The following SLC34A2 variants were observed in gnomAD, a reference collection of about 807,000 sequenced individuals.
The protein encoded by SLC34A2 is solute carrier family 34 member 2, also known as sodium-dependent phosphate transport protein 2B.
Under a neutral mutation model 50.8 loss-of-function variants are expected in SLC34A2, and 41 were observed. That is an observed-to-expected ratio of 0.81 (90% CI 0.63 to 1.05). SLC34A2 has a LOEUF of 1.05. Among genes scored for constraint, SLC34A2 ranks in the 50% least tolerant of loss-of-function variants. The pLI is 0.00. For missense variants in SLC34A2, 879 were observed against 876.7 expected, an observed-to-expected ratio of 1.00 and a Z score of -0.03; for synonymous variants, 401 against 364.2, an observed-to-expected ratio of 1.10 and a Z score of -1.15.
rs989317980 is a variant in SLC34A2 at position 25,676,845 on chromosome 4, A to G, written c.*96A>G. On this transcript the variant is annotated 3_prime_UTR_variant, in exon 13 of 13. Coordinates refer to ENST00000382051, the MANE Select transcript of SLC34A2 (RefSeq NM_006424.3). ...TGCACCCTTTCACCACCTCGAGGAG[A>G]TTTGCTCCCCATTAGCGAATGAAAT... 6.4e-7 allele frequency: 1 copy of G among 1,551,126 alleles called. No homozygotes were observed. The highest frequency in any genetic ancestry group is 1.1e-5 in the South Asian group (1 of 87,572).
chr4:25,673,670 T>C (rs999153737), intron 10 of SLC34A2, among the ~76,000 whole-genome samples: 4 of 152,148 alleles, frequency 2.6e-5, no homozygotes, highest in Admixed American at 6.5e-5. Context: ...AGGTGGCCAA[T>C]GAGACTGCTG....
At chr4:25,669,157 TACACCTTTCTGGGAA>T (rs981381094) in intron 6 of SLC34A2, among the ~76,000 whole-genome samples, 1 of 152,182 alleles carries the variant, frequency 6.6e-6, no homozygotes, top group Non-Finnish European at 1.5e-5. Context: ...AAAATATTTT[TACACCTTTCTGGGAA>T]ACATGTGATA....
rs116599217 is a variant in SLC34A2, at chr4:25,669,704, C to T, written c.693C>T (p.Leu231=). 14 of 1,614,174 alleles carry T rather than the reference C, an allele frequency of 8.7e-6. No individual in the cohort carries two copies. In the East Asian group the frequency reaches 3.1e-4, roughly 36 times the overall value. ...TCAACTGGCTGTCCGTGTTGGTGCT[C>T]TTGCCCGTGGAGGTGGCCACCCATT... ...DFFNWLSVLV[L]LPVEVATHYL... is the part of the protein sequence containing the mutation. The change falls in exon 7 of 13, where the codon CTC becomes CTT. Residue 231 remains leucine (L), a synonymous_variant. Coordinates refer to ENST00000382051, the MANE Select transcript of SLC34A2 (RefSeq NM_006424.3).
intron 6 of SLC34A2, among the ~76,000 whole-genome samples, chr4:25,668,557 G>C (rs10939078): frequency 6.6e-6 from 1 of 151,586 alleles, no homozygotes; most frequent in Non-Finnish European, 1.5e-5. Flanking sequence ...CAGGAGAATC[G>C]CTTGAACCCG....
Position 25,678,607 on chromosome 4 carries a change from C to A in SLC34A2, c.*1858C>A. The A allele has an allele frequency of 3.3e-6, 1 of 298,582 alleles. No homozygotes were observed. Among genetic ancestry groups the A allele is most frequent in the Non-Finnish European group, 6.3e-6 (1 of 157,818 alleles). 18.5% of individuals were successfully genotyped at this position (298,582 alleles called of 1,614,324 possible). The stretch of plus-strand genomic sequence containing the variant: ...TGTTGCTCAGGCTGGTCTCAAACTC[C>A]TGAGATCAAGCAATCCGCCCACCTC... On this transcript the variant is annotated 3_prime_UTR_variant, in exon 13 of 13. Coordinates refer to ENST00000382051, the MANE Select transcript of SLC34A2 (RefSeq NM_006424.3).
At chr4:25,668,925 A>G (rs1244675926) in intron 6 of SLC34A2, among the ~76,000 whole-genome samples, 1 of 150,276 alleles carries the variant, frequency 6.7e-6, no homozygotes, top group Non-Finnish European at 1.5e-5. Flanking sequence ...TTAAAAGGTA[A>G]GCTGTTTCAT....
intron 1 of SLC34A2, among the ~76,000 whole-genome samples, 160 bp downstream of exon 1, chr4:25,656,050 TTTC>T (rs1436821025): frequency 2.0e-5 from 3 of 152,212 alleles, no homozygotes; most frequent in African/African-American, 7.2e-5. Flanking sequence ...TTCAAGTTGT[TTTC>T]TTCTTAATGT....
At chr4:25,661,332 T>A (rs1714171241) in intron 1 of SLC34A2, among the ~76,000 whole-genome samples, 1 of 152,208 alleles carries the variant, frequency 6.6e-6, no homozygotes, top group South Asian at 2.1e-4. Flanking sequence ...CATCACTCTT[T>A]TCACAGAAGG....
chr4:25,674,343 G>A lies in SLC34A2; in HGVS notation c.1264G>A (p.Val422Ile), dbSNP rs116219115. ...AWLTGYLAIL[V>I]GAGMTFIVQS... Reference sequence around the variant, plus strand: ...GTTGACTGGCTACCTGGCCATCCTCGTCGGGGCAGGCATGACCTTCATCGT... The same window carrying A: ...GTTGACTGGCTACCTGGCCATCCTCATCGGGGCAGGCATGACCTTCATCGT... The change falls in exon 11 of 13, where the codon GTC becomes ATC. Residue 422 changes from valine to isoleucine, a missense_variant. By Grantham distance (29) the Val-to-Ile change is conservative. Coordinates refer to ENST00000382051, the MANE Select transcript of SLC34A2 (RefSeq NM_006424.3). The A allele has an allele frequency of 5.8e-5, 93 of 1,614,030 alleles. 1 individual carries two copies. In the Middle Eastern group the frequency reaches 4.5e-3, roughly 77 times the overall value.
At position 25,676,482 on chromosome 4, in the gene SLC34A2, C is replaced by T. The variant is rs1334416576; in HGVS notation, c.1806C>T (p.Pro602=). Residue 602 remains proline, a synonymous_variant, in exon 13 of 13, where the codon CCC becomes CCT. Coordinates refer to ENST00000382051, the MANE Select transcript of SLC34A2 (RefSeq NM_006424.3). ...CGCTGTGGATGCGCTCGCTGAAGCCCTGGGATGCCGTCGTCTCCAAGTTCA... is the reference window on the plus strand; with the variant it reads ...CGCTGTGGATGCGCTCGCTGAAGCCTTGGGATGCCGTCGTCTCCAAGTTCA... ...FLPLWMRSLK[P]WDAVVSKFTG... is the part of the protein sequence containing the mutation. The T allele has an allele frequency of 1.2e-5, 20 of 1,614,052 alleles. No homozygotes were observed. Among genetic ancestry groups the T allele is most frequent in the Non-Finnish European group, 1.7e-5 (20 of 1,180,046 alleles).
At position 25,664,204 on chromosome 4, in the gene SLC34A2, A is replaced by T; in HGVS notation, c.253A>T (p.Arg85Ter). Reference sequence around the variant, plus strand: ...CCCCCCATCCCACCCCCCTGCAGAGAGAGACACCAAAGGGAAGATTCTCTG... The same window carrying T: ...CCCCCCATCCCACCCCCCTGCAGAGTGAGACACCAAAGGGAAGATTCTCTG... The part of the protein sequence containing the change: ...LQDSGIKWSE[R>*]DTKGKILCFF... Residue 85 changes from arginine to a stop codon, truncating the protein, a stop_gained and splice_region_variant, in exon 4 of 13, where the codon AGA becomes TGA. Coordinates refer to ENST00000382051, the MANE Select transcript of SLC34A2 (RefSeq NM_006424.3). LOFTEE classifies it high-confidence loss of function. 1 of 1,476,194 alleles carries T rather than the reference A, an allele frequency of 6.8e-7. No individual in the cohort carries two copies. Among genetic ancestry groups the T allele is most frequent in the Non-Finnish European group, 9.3e-7 (1 of 1,072,628 alleles). 91.4% of individuals were successfully genotyped at this position (1,476,194 alleles called of 1,614,324 possible).
Position 25,666,281 on chromosome 4 carries a change from G to T in SLC34A2, c.523+10G>T, listed in dbSNP as rs755302044. On this transcript the variant is annotated intron_variant, in intron 5 of 12. Coordinates refer to ENST00000382051, the MANE Select transcript of SLC34A2 (RefSeq NM_006424.3). ...ATGGTGTCCTCTTCATGTGAGTCGG[G>T]GCACCCATGAGCCCACCTGCATTCC... 14 of 1,613,330 alleles carry T rather than the reference G, an allele frequency of 8.7e-6. No homozygotes were observed. Among genetic ancestry groups the T allele is most frequent in the Non-Finnish European group, 1.0e-5 (12 of 1,179,928 alleles).
chr4:25,678,390 A>C lies in SLC34A2; in HGVS notation c.*1641A>C, dbSNP rs1449832353. ...AAATGAGGCAGGCTTCTTCTATGAA[A>C]TGTAAAGAAAGAAACCACTTTGTAT... On this transcript the variant is annotated 3_prime_UTR_variant, in exon 13 of 13. Transcript: ENST00000382051. 1 of 155,504 alleles carries C rather than the reference A, an allele frequency of 6.4e-6. No homozygotes were observed. The highest frequency in any genetic ancestry group is 2.4e-5 in the African/African-American group (1 of 41,578). The allele number at this position is 155,504 out of a possible 1,614,324, so 9.6% of individuals were successfully genotyped here.
At chr4:25,662,187 T>C (rs1261434524) in intron 1 of SLC34A2, among the ~76,000 whole-genome samples, 1 of 152,182 alleles carries the variant, frequency 6.6e-6, no homozygotes, top group South Asian at 2.1e-4. Context: ...TGCTTTTGAC[T>C]GAAGGAGAGA....
chr4:25,657,756 A>G (rs1191849236), intron 1 of SLC34A2, among the ~76,000 whole-genome samples: 1 of 152,062 alleles, frequency 6.6e-6, no homozygotes, highest in Non-Finnish European at 1.5e-5. Flanking sequence ...CCTTGAAGAG[A>G]TTATTATTAG....
At chr4:25,670,880 C>T in intron 8 of SLC34A2, 47 bp downstream of exon 8, 1 of 1,434,610 alleles carries the variant, frequency 7.0e-7, no homozygotes. Flanking sequence ...ACCTTTGCAT[C>T]TGAACATGAA....
At chr4:25,670,692 C>A in intron 7 of SLC34A2, 46 bp from the exon 8 acceptor site, 2 of 1,471,720 alleles carry the variant, frequency 1.4e-6, no homozygotes, top group South Asian at 1.2e-5. Context: ...TGTCCTAAAT[C>A]GGTTCTGAGG....
Position 25,662,586 on chromosome 4 carries a change from CT to C in SLC34A2, c.87del (p.Asp30IlefsTer16), listed in dbSNP as rs1577491374. 3 of 1,614,148 alleles carry C rather than the reference CT, an allele frequency of 1.9e-6. No homozygotes were observed. The highest frequency in any genetic ancestry group is 1.3e-5 in the African/African-American group (1 of 75,024). Reference protein sequence around the residue: ...EGAAGQQPTAPDKSKETNKTD... With the variant: ...EGAAGQQPTAXDKSKETNKTD... ...GCCGCAGGTCAGCAGCCCACTGCCC[CT>C]GATAAAAGCAAAGAGACCAACAAAA... On this transcript the variant is annotated frameshift_variant, in exon 2 of 13. Coordinates refer to ENST00000382051, the MANE Select transcript of SLC34A2 (RefSeq NM_006424.3). LOFTEE classifies it high-confidence loss of function.
intron 4 of SLC34A2, 38 bp from the exon 5 acceptor site, chr4:25,666,090 G>A (rs376957748): frequency 3.2e-5 from 52 of 1,609,048 alleles, no homozygotes; most frequent in Middle Eastern, 1.7e-4. Context: ...CCTCGATCAC[G>A]TTGTGATTGT....
Sources: gnomAD v4.1 joint callset for allele counts (sites outside exome capture counted in the v4.1 genomes callset) on GRCh38, gnomAD v4.1.1 for gene constraint, MANE v1.5 for transcripts, NCBI Gene and HGNC (gene_info 2026-07-23, HGNC 2026-07-21) for gene names.